Variants in RTF1 observed in about 807,000 individuals in gnomAD.
RTF1 encodes RTF1 homolog, Paf1/RNA polymerase II complex component, also known as RNA polymerase-associated protein RTF1 homolog.
Under a neutral mutation model 95.7 loss-of-function variants are expected in RTF1, and 10 were observed. The ratio of observed to expected loss-of-function variants is 0.10; its 90% CI spans 0.06 to 0.18. The LOEUF is 0.18. RTF1 is among the 10% of genes least tolerant of loss of function. The pLI is 1.00. For missense variants in RTF1, 458 were observed against 875.6 expected (o/e 0.52, Z 6.02); for synonymous variants, 305 against 311.8 (o/e 0.98, Z 0.23).
In RTF1 at chr15:41,480,630, G is replaced by A; in HGVS notation, c.2076G>A (p.Gly692=). Residue 692 remains glycine (G), a synonymous_variant, in exon 18 of 18, where the codon GGG becomes GGA. Transcript: ENST00000389629. The part of the protein sequence containing the change: ...ITSKAPPAKD[G]APRRSLNLED... The stretch of plus-strand genomic sequence containing the variant: ...CCAAGGCTCCGCCAGCCAAGGATGG[G>A]GCTCCAAGGAGATCTCTGAACTTGG... The A allele has an allele frequency of 1.2e-6, 2 of 1,614,190 alleles. No individual in the cohort carries two copies. The highest frequency in any genetic ancestry group is 1.7e-5 in the Admixed American group (1 of 60,026).
At chr15:41,451,140 A>G (rs551473824) in intron 2 of RTF1, among the ~76,000 whole-genome samples, 4 of 152,134 alleles carry the variant, frequency 2.6e-5, no homozygotes, top group African/African-American at 7.2e-5. Context: ...TCTATTACCT[A>G]TTGTGAAATA....
At chr15:41,423,621 G>A (rs1194228676) in intron 1 of RTF1, among the ~76,000 whole-genome samples, 3 of 152,022 alleles carry the variant, frequency 2.0e-5, no homozygotes, top group Admixed American at 2.0e-4. Flanking sequence ...CACCCACCTC[G>A]GCCTCCCAAA....
At chr15:41,470,168 G>C (rs1178211077) in intron 6 of RTF1, 89 bp from the exon 7 acceptor site, 4 of 1,384,346 alleles carry the variant, frequency 2.9e-6, no homozygotes, top group African/African-American at 2.9e-5. Flanking sequence ...CTGTGTATTT[G>C]AGTCCTCTTC....
chr15:41,468,147 C>G (rs1432421587), intron 6 of RTF1, among the ~76,000 whole-genome samples: 1 of 151,904 alleles, frequency 6.6e-6, no homozygotes, highest in African/African-American at 2.4e-5. Flanking sequence ...GCCTGGGCAA[C>G]AAGAGTGAGA....
intron 2 of RTF1, among the ~76,000 whole-genome samples, chr15:41,449,203 T>G (rs1383743175): frequency 1.3e-5 from 2 of 150,946 alleles, no homozygotes; most frequent in African/African-American, 4.9e-5. Flanking sequence ...TTATTTTTTT[T>G]GTCCCTGTTG....
intron 1 of RTF1, among the ~76,000 whole-genome samples, chr15:41,427,998 G>C (rs1297064071): frequency 6.6e-6 from 1 of 151,794 alleles, no homozygotes; most frequent in Non-Finnish European, 1.5e-5. Context: ...TGCTGGCTAG[G>C]CTGGTCTTGA....
Position 41,474,641 on chromosome 15 carries a change from G to A in RTF1, c.1225G>A (p.Val409Met), listed in dbSNP as rs1449551574. The change falls in exon 9 of 18, where the codon GTG becomes ATG. Residue 409 changes from valine (V) to methionine (M), a missense_variant. By Grantham distance (21) the Val-to-Met change is conservative. Transcript: ENST00000389629. ...VYRVAEITGVVETAKVYQLGG... is the reference protein window; with the variant it reads ...VYRVAEITGVMETAKVYQLGG... ...TTAGGTCGCTGAGATTACGGGTGTTGTGGAAACTGCCAAAGTTTACCAACT... is the reference window on the plus strand; with the variant it reads ...TTAGGTCGCTGAGATTACGGGTGTTATGGAAACTGCCAAAGTTTACCAACT... 6.2e-7 allele frequency: 1 copy of A among 1,613,990 alleles called. No individual in the cohort carries two copies. Among genetic ancestry groups the A allele is most frequent in the South Asian group, 1.1e-5 (1 of 91,082 alleles).
At chr15:41,480,122 C>G in intron 16 of RTF1, 92 bp from the exon 17 acceptor site, 1 of 799,940 alleles carries the variant, frequency 1.3e-6, no homozygotes, top group South Asian at 1.6e-5. Context: ...CTAATGAACT[C>G]AAATAAGAGC....
rs2050574489 is a variant in RTF1, at chr15:41,417,157, G to C, written c.42G>C (p.Ala14=). The part of the protein sequence containing the change: ...RLCVGRAAAA[A]AAVAVPLAGG... ...GTGTGGGTCGAGCAGCGGCGGCGGC[G>C]GCGGCAGTGGCGGTCCCACTGGCAG... Residue 14 remains alanine, a synonymous_variant, in exon 1 of 18, where the codon GCG becomes GCC. Coordinates refer to ENST00000389629, the MANE Select transcript of RTF1 (RefSeq NM_015138.5). 1.6e-6 allele frequency: 2 copies of C among 1,260,336 alleles called. No individual in the cohort carries two copies. The highest frequency in any genetic ancestry group is 3.1e-5 in the African/African-American group (2 of 64,512). 78.1% of individuals were successfully genotyped at this position (1,260,336 alleles called of 1,614,324 possible). A position where few individuals can be genotyped will look rare whatever the true frequency, so the allele number is the denominator to read the frequency against.
At chr15:41,418,674 G>T (rs1219480698) in intron 1 of RTF1, among the ~76,000 whole-genome samples, 1 of 151,784 alleles carries the variant, frequency 6.6e-6, no homozygotes, top group Admixed American at 6.6e-5. Flanking sequence ...GCGGGGCGTG[G>T]TGGCACATGC....
chr15:41,450,296 G>A (rs1420701793), intron 2 of RTF1, among the ~76,000 whole-genome samples: 2 of 152,194 alleles, frequency 1.3e-5, no homozygotes, highest in African/African-American at 4.8e-5. Context: ...TAGGCCAGGT[G>A]CGGTGGCTCA....
At chr15:41,417,397 C>T in intron 1 of RTF1, 84 bp downstream of exon 1, 1 of 1,158,580 alleles carries the variant, frequency 8.6e-7, no homozygotes, top group Non-Finnish European at 1.1e-6. Context: ...GGGCCTGGAG[C>T]CTTCCTACCA....
In RTF1 at chr15:41,477,519, A is replaced by G. The variant is rs1289549133; in HGVS notation, c.1740+4A>G. ...AGAGTCTGAGAAGGCCCTTGTGGTA[A>G]GAAAACTTTATCTGAATCACTAAAA... On this transcript the variant is annotated splice_donor_region_variant and intron_variant, in intron 14 of 17. Transcript: ENST00000389629. 1.2e-6 allele frequency: 2 copies of G among 1,613,326 alleles called. No individual in the cohort carries two copies. The highest frequency in any genetic ancestry group is 1.7e-6 in the Non-Finnish European group (2 of 1,179,194).
At chr15:41,444,898 A>G (rs1312948340) in intron 2 of RTF1, among the ~76,000 whole-genome samples, 1 of 151,812 alleles carries the variant, frequency 6.6e-6, no homozygotes, top group Non-Finnish European at 1.5e-5. Flanking sequence ...AGCTGTTTAG[A>G]TTGCTCATGA....
intron 4 of RTF1, among the ~76,000 whole-genome samples, chr15:41,460,551 G>T (rs1403095457): frequency 6.6e-6 from 1 of 152,240 alleles, no homozygotes; most frequent in East Asian, 1.9e-4. Flanking sequence ...AGCATAGTAA[G>T]ATGTTGTCGT....
chr15:41,464,471 T>C (rs993079304), intron 4 of RTF1, among the ~76,000 whole-genome samples: 2 of 150,636 alleles, frequency 1.3e-5, no homozygotes, highest in Non-Finnish European at 3.0e-5. Flanking sequence ...ATGGTCTCGA[T>C]CTCTTGATCC....
chr15:41,440,943 T>C (rs962429849), intron 2 of RTF1, among the ~76,000 whole-genome samples: 13 of 151,360 alleles, frequency 8.6e-5, no homozygotes, highest in Admixed American at 8.6e-4. Flanking sequence ...AACCTTGAAA[T>C]AATTTTCTCT....
At chr15:41,445,958 G>A (rs1310407857) in intron 2 of RTF1, among the ~76,000 whole-genome samples, 1 of 151,880 alleles carries the variant, frequency 6.6e-6, no homozygotes, top group Non-Finnish European at 1.5e-5. Flanking sequence ...GGCTGGTCTC[G>A]AACTCCTGGC....
rs867206034 is a variant in RTF1, at chr15:41,480,576, C to T, written c.2027-5C>T. The T allele has an allele frequency of 6.2e-7, 1 of 1,609,872 alleles. No individual in the cohort carries two copies. On this transcript the variant is annotated splice_polypyrimidine_tract_variant and splice_region_variant and intron_variant, in intron 17 of 17. Transcript: ENST00000389629. Reference sequence around the variant, plus strand: ...CAGCTGCCAACTTGCTCTTCTTTCCCACAGAGTCAAAGGCTTTAGCCATCA... The same window carrying T: ...CAGCTGCCAACTTGCTCTTCTTTCCTACAGAGTCAAAGGCTTTAGCCATCA...
Sources: gnomAD v4.1 joint callset for allele counts (sites outside exome capture counted in the v4.1 genomes callset) on GRCh38, gnomAD v4.1.1 for gene constraint, MANE v1.5 for transcripts, NCBI Gene and HGNC (gene_info 2026-07-23, HGNC 2026-07-21) for gene names.